MLIP: variants seen among roughly 807,000 people sequenced by gnomAD.
MLIP encodes muscular LMNA-interacting protein.
Under a neutral mutation model 84.8 loss-of-function variants are expected in MLIP, and 79 were observed. The ratio of observed to expected loss-of-function variants is 0.93; its 90% confidence interval spans 0.78 to 1.12. The LOEUF is 1.12. Among genes scored for constraint, MLIP ranks in the 50% most tolerant of loss-of-function variants. The pLI is 0.00. For missense variants in MLIP, 1,257 were observed against 1,160.6 expected (o/e 1.08, Z -1.21); for synonymous variants, 504 against 463.0 (o/e 1.09, Z -1.14).
intron 5 of MLIP, among the ~76,000 whole-genome samples, chr6:54,157,587 G>A (rs867471457): frequency 1.3e-5 from 2 of 151,996 alleles, no homozygotes; most frequent in South Asian, 2.1e-4. Flanking sequence ...CCCTTCCCTG[G>A]ACTGTGAGTA....
At chr6:54,194,321 T>C (rs1778147733) in intron 10 of MLIP, among the ~76,000 whole-genome samples, 1 of 152,152 alleles carries the variant, frequency 6.6e-6, no homozygotes, top group African/African-American at 2.4e-5. Flanking sequence ...AGTTTCTCCT[T>C]GACCAGTTTT....
At chr6:54,037,709 G>A (rs762225158) in intron 1 of MLIP, among the ~76,000 whole-genome samples, 1 of 151,944 alleles carries the variant, frequency 6.6e-6, no homozygotes, top group Non-Finnish European at 1.5e-5. Context: ...CATTTTGACA[G>A]GAGAATGATT....
At chr6:54,103,471 A>G (rs1768795357) in intron 1 of MLIP, among the ~76,000 whole-genome samples, 2 of 152,164 alleles carry the variant, frequency 1.3e-5, no homozygotes, top group Non-Finnish European at 2.9e-5. Flanking sequence ...GGGATTATTA[A>G]TTTGCCTTGG....
intron 5 of MLIP, among the ~76,000 whole-genome samples, chr6:54,153,062 CTT>C (rs1265336178): frequency 1.3e-5 from 2 of 152,018 alleles, no homozygotes; most frequent in East Asian, 3.9e-4. Context: ...TGGCATTACT[CTT>C]TGCCATTTTC....
chr6:54,155,479 CAAAT>C (rs1204115010), intron 5 of MLIP, among the ~76,000 whole-genome samples: 1 of 152,048 alleles, frequency 6.6e-6, no homozygotes, highest in Non-Finnish European at 1.5e-5. Context: ...GAAATTCAAT[CAAAT>C]AGATAGTCTA....
chr6:54,084,184 CT>C (rs1767341335), intron 1 of MLIP, among the ~76,000 whole-genome samples: 1 of 152,032 alleles, frequency 6.6e-6, no homozygotes, highest in African/African-American at 2.4e-5. Flanking sequence ...TCACCCCTCC[CT>C]TCTCTCTTTC....
chr6:54,124,545 C>A lies in MLIP; in HGVS notation c.325C>A (p.Pro109Thr). 6.2e-7 allele frequency: 1 copy of A among 1,614,168 alleles called. No homozygotes were observed. Among genetic ancestry groups the A allele is most frequent in the Non-Finnish European group, 8.5e-7 (1 of 1,180,016 alleles). Residue 109 changes from proline (P) to threonine (T), a missense_variant, in exon 3 of 14, where the codon CCT becomes ACT. Pro to Thr is a conservative substitution (Grantham distance 38). Coordinates refer to ENST00000502396, the MANE Select transcript of MLIP (RefSeq NM_001281747.2). ...QERDQAKLTC[P>T]SEVSGTILQE... ...GAGAGACCAAGCGAAATTGACTTGT[C>A]CTTCAGAGGTCAGTGGAACGATTTT...
rs555534519 is a variant in MLIP, at chr6:54,207,360, T to C, written c.2718+5127T>C. Reference sequence around the variant, plus strand: ...AATATTTGCCTTTTCCTCCAAAATATAGTTAGATAGGCTCACTTCTTCATA... The same window carrying C: ...AATATTTGCCTTTTCCTCCAAAATACAGTTAGATAGGCTCACTTCTTCATA... On this transcript the variant is annotated intron_variant, in intron 11 of 13. Transcript: ENST00000502396. Among the ~76,000 whole-genome samples, 4 of 152,002 alleles carry C rather than the reference T, an allele frequency of 2.6e-5. No homozygotes were observed. In the South Asian group the frequency reaches 8.3e-4, roughly 32 times the overall value.
At chr6:54,031,422 G>C (rs898360422) in intron 1 of MLIP, 1 of 152,122 alleles carries the variant, frequency 6.6e-6, no homozygotes, top group Non-Finnish European at 1.5e-5. Context: ...TCAAGGTCAG[G>C]AACTCTATGT....
chr6:54,092,563 A>C (rs1030104845), intron 1 of MLIP, among the ~76,000 whole-genome samples: 1 of 152,080 alleles, frequency 6.6e-6, no homozygotes, highest in Admixed American at 6.6e-5. Flanking sequence ...ATTTAAATAT[A>C]GGTATAATTA....
chr6:54,120,812 TC>T (rs1770387077), intron 1 of MLIP, among the ~76,000 whole-genome samples: 1 of 152,090 alleles, frequency 6.6e-6, no homozygotes, highest in African/African-American at 2.4e-5. Flanking sequence ...TTATCTTTTT[TC>T]TGCTTGTGAG....
chr6:54,119,256 G>A (rs763898060), intron 1 of MLIP, among the ~76,000 whole-genome samples: 11 of 152,186 alleles, frequency 7.2e-5, no homozygotes, highest in Admixed American at 2.6e-4. Context: ...TATTACAGCA[G>A]TATCCACAGT....
intron 11 of MLIP, among the ~76,000 whole-genome samples, chr6:54,214,490 CTTCTG>C (rs1201153596): frequency 6.6e-6 from 1 of 152,192 alleles, no homozygotes; most frequent in African/African-American, 2.4e-5. Context: ...CCTATTGAGA[CTTCTG>C]TTCTTGTTGT....
At chr6:54,102,274 A>T (rs894255543) in intron 1 of MLIP, among the ~76,000 whole-genome samples, 1 of 152,146 alleles carries the variant, frequency 6.6e-6, no homozygotes, top group African/African-American at 2.4e-5. Flanking sequence ...AAAAGATAAT[A>T]TATTAAATAT....
At chr6:54,099,256 C>T (rs939629639) in intron 1 of MLIP, among the ~76,000 whole-genome samples, 6 of 152,092 alleles carry the variant, frequency 3.9e-5, no homozygotes, top group East Asian at 3.8e-4. Flanking sequence ...TGCATTTTTA[C>T]CGGTAACCTT....
intron 1 of MLIP, among the ~76,000 whole-genome samples, chr6:54,028,131 A>G (rs183937202): frequency 6.6e-6 from 1 of 152,162 alleles, no homozygotes; most frequent in South Asian, 2.1e-4. Context: ...GATGATTTTT[A>G]AAAAAATGGT....
Position 54,248,566 on chromosome 6 carries a change from T to C in MLIP, c.2923-8742T>C, listed in dbSNP as rs73741493. ...AACAATAGGATGTGGTATTTGTTTT[T>C]AAATAGGCTGGACATACAATAATGA... On this transcript the variant is annotated intron_variant, in intron 12 of 13. Coordinates refer to ENST00000502396, the MANE Select transcript of MLIP (RefSeq NM_001281747.2). Among the ~76,000 whole-genome samples the C allele has an allele frequency of 8.3e-3, 1,269 of 152,246 alleles. 18 individuals are homozygous for C. The highest frequency in any genetic ancestry group is 0.028 in the African/African-American group (1,151 of 41,540).
At chr6:54,031,256 A>C (rs990873403) in intron 1 of MLIP, 1 of 151,748 alleles carries the variant, frequency 6.6e-6, no homozygotes, top group Non-Finnish European at 1.5e-5. Context: ...TCACATTTTT[A>C]TTATCTTGCT....
At chr6:54,057,280 C>G (rs1185604303) in intron 1 of MLIP, among the ~76,000 whole-genome samples, 5 of 152,162 alleles carry the variant, frequency 3.3e-5, no homozygotes, top group Non-Finnish European at 5.9e-5. Context: ...GAGGTTGGGA[C>G]TATAATTATG....
Sources: allele counts gnomAD v4.1 joint callset (sites outside exome capture counted in the v4.1 genomes callset), GRCh38; gene constraint gnomAD v4.1.1; transcripts MANE v1.5; gene names NCBI Gene and HGNC (gene_info 2026-07-23, HGNC 2026-07-21).